The following ARHGAP26 variants were observed in gnomAD, a reference collection of about 807,000 sequenced individuals.
ARHGAP26 encodes the protein Rho GTPase activating protein 26.
A neutral mutation model predicts 104.8 loss-of-function variants in ARHGAP26; 38 were observed. That is an observed-to-expected ratio of 0.36 (90% CI 0.28 to 0.48). The LOEUF (loss-of-function observed/expected upper bound fraction) is 0.48. Ranked by LOEUF, ARHGAP26 falls within the 20% of genes least tolerant of loss-of-function variation. The pLI is 0.99. For missense variants in ARHGAP26, 704 were observed against 947.9 expected (o/e 0.74, Z 3.38); for synonymous variants, 341 against 340.0 (o/e 1.00, Z -0.03).
intron 22 of ARHGAP26, 29 bp downstream of exon 22, chr5:143,214,117 T>C: frequency 6.4e-6 from 2 of 312,152 alleles, no homozygotes; most frequent in Non-Finnish European, 6.3e-6. Flanking sequence ...CACAAAGATA[T>C]GGGCGGGGGG....
chr5:143,211,859 A>AT (rs987377711), intron 21 of ARHGAP26, among the ~76,000 whole-genome samples: 6 of 152,036 alleles, frequency 3.9e-5, no homozygotes, highest in African/African-American at 1.4e-4. Flanking sequence ...CTAGTTTGTT[A>AT]TTTTTTAACG....
rs1019810944 is a variant in ARHGAP26, at chr5:143,225,050, A to G, written c.*2604A>G. ...TCGAGAAGAAAGGGAGTATACTAGTAGGTTAGATCTGTGAACCTGAGGACA... is the reference window on the plus strand; with the variant it reads ...TCGAGAAGAAAGGGAGTATACTAGTGGGTTAGATCTGTGAACCTGAGGACA... On this transcript the variant is annotated 3_prime_UTR_variant, in exon 23 of 23. Coordinates refer to ENST00000645722, the MANE Select transcript of ARHGAP26 (RefSeq NM_001135608.3). The G allele has an allele frequency of 4.4e-6, 1 of 225,016 alleles. No homozygotes were observed. The highest frequency in any genetic ancestry group is 2.2e-5 in the African/African-American group (1 of 44,870). The allele number at this position is 225,016 out of a possible 1,614,324, so 13.9% of individuals were successfully genotyped here. A position where few individuals can be genotyped will look rare whatever the true frequency, so the allele number is the denominator to read the frequency against.
chr5:142,840,013 G>C (rs1008673863), intron 1 of ARHGAP26, among the ~76,000 whole-genome samples: 2 of 152,260 alleles, frequency 1.3e-5, no homozygotes, highest in Admixed American at 6.5e-5. Context: ...CTAGGTTCAA[G>C]GGAATATAGA....
At chr5:143,006,727 G>A (rs1380158924) in intron 11 of ARHGAP26, among the ~76,000 whole-genome samples, 4 of 152,120 alleles carry the variant, frequency 2.6e-5, no homozygotes, top group East Asian at 1.9e-4. Context: ...TGGCTCCCTG[G>A]CTCTGACCCC....
intron 1 of ARHGAP26, among the ~76,000 whole-genome samples, chr5:142,844,417 T>TA (rs963762791): frequency 3.3e-5 from 5 of 152,096 alleles, no homozygotes; most frequent in African/African-American, 1.2e-4. Context: ...AAAGCTTTTT[T>TA]TTTTTTCTTT....
chr5:143,183,073 CAAAAAAAA>C (rs70991799), intron 20 of ARHGAP26, among the ~76,000 whole-genome samples: 2 of 89,962 alleles, frequency 2.2e-5, no homozygotes, highest in African/African-American at 3.8e-5. Context: ...TGAAAAGTGG[CAAAAAAAA>C]AAAAAAAAAA....
In ARHGAP26 at chr5:142,821,791, C is replaced by G. The variant is rs142330610; in HGVS notation, c.154+50876C>G. 4.7e-3 allele frequency among the ~76,000 whole-genome samples: 713 copies of G among 152,270 alleles called. 8 individuals are homozygous for G. Among genetic ancestry groups the G allele is most frequent in the African/African-American group, 0.016 (681 of 41,544 alleles). ...TTTTTATTAAGAAAAGCCATCTTTC[C>G]TTACAGCTTTGTTTAGAAAGTAGGG... On this transcript the variant is annotated intron_variant, in intron 1 of 22. Coordinates refer to ENST00000645722, the MANE Select transcript of ARHGAP26 (RefSeq NM_001135608.3).
At chr5:143,011,129 C>T (rs1361025049) in intron 11 of ARHGAP26, among the ~76,000 whole-genome samples, 2 of 152,120 alleles carry the variant, frequency 1.3e-5, no homozygotes, top group Non-Finnish European at 2.9e-5. Flanking sequence ...TTGCTAATCA[C>T]ACTGGCCTTC....
At chr5:143,182,336 G>T (rs1026191441) in intron 20 of ARHGAP26, among the ~76,000 whole-genome samples, 2 of 152,146 alleles carry the variant, frequency 1.3e-5, no homozygotes, top group African/African-American at 4.8e-5. Context: ...AGAGTGGCTT[G>T]CAGATGATGA....
intron 17 of ARHGAP26, among the ~76,000 whole-genome samples, chr5:143,063,193 C>T (rs796461343): frequency 1.3e-5 from 2 of 152,198 alleles, no homozygotes; most frequent in African/African-American, 4.8e-5. Context: ...TGACTCCCAC[C>T]GGGAACTCAG....
At chr5:143,114,689 A>G (rs1311342224) in intron 17 of ARHGAP26, among the ~76,000 whole-genome samples, 1 of 152,190 alleles carries the variant, frequency 6.6e-6, no homozygotes, top group African/African-American at 2.4e-5. Context: ...GGCCTACCCC[A>G]GCACCTGCCT....
intron 19 of ARHGAP26, among the ~76,000 whole-genome samples, chr5:143,140,579 T>C (rs2150942866): frequency 6.6e-6 from 1 of 152,302 alleles, no homozygotes; most frequent in Non-Finnish European, 1.5e-5. Flanking sequence ...TAGTTGTATC[T>C]TACAACTGAC....
At chr5:142,772,604 C>G in intron 1 of ARHGAP26, 1 of 408,868 alleles carries the variant, frequency 2.4e-6, no homozygotes, top group Non-Finnish European at 4.8e-6. Flanking sequence ...ATATAATTAT[C>G]TCATGTGCTT....
intron 11 of ARHGAP26, among the ~76,000 whole-genome samples, chr5:142,940,214 G>A (rs766541970): frequency 7.9e-5 from 12 of 152,234 alleles, no homozygotes; most frequent in Non-Finnish European, 1.6e-4. Flanking sequence ...GTTAAAATAA[G>A]TGATTGAAAG....
intron 11 of ARHGAP26, among the ~76,000 whole-genome samples, chr5:142,935,125 A>G (rs1765229918): frequency 6.6e-6 from 1 of 152,204 alleles, no homozygotes; most frequent in Admixed American, 6.5e-5. Flanking sequence ...TCAAACTTGA[A>G]GAAAAGCTGG....
At chr5:142,899,022 G>A (rs1345294635) in intron 6 of ARHGAP26, among the ~76,000 whole-genome samples, 1 of 152,156 alleles carries the variant, frequency 6.6e-6, no homozygotes. Context: ...CTAGCTTCCC[G>A]TGGCTTGTGA....
rs138014820 is a variant in ARHGAP26, at chr5:142,992,085, T to C, written c.1108-21995T>C. 2.5e-3 allele frequency among the ~76,000 whole-genome samples: 374 copies of C among 152,278 alleles called. 2 individuals are homozygous for C. Among genetic ancestry groups the C allele is most frequent in the African/African-American group, 8.5e-3 (354 of 41,560 alleles). On this transcript the variant is annotated intron_variant, in intron 11 of 22. Transcript: ENST00000645722. ...TTTTTTTGTTTTTGAATATTCCCTA[T>C]GGTTATTGAATTCTTTTTCTCCTTT...
At position 142,893,955 on chromosome 5, in the gene ARHGAP26, TGTTGA is replaced by T. The variant is rs546207164; in HGVS notation, c.487-274_487-270del. 2.0e-3 allele frequency among the ~76,000 whole-genome samples: 301 copies of T among 151,410 alleles called. 1 individual carries two copies. The highest frequency in any genetic ancestry group is 3.8e-3 in the Non-Finnish European group (257 of 67,804). On this transcript the variant is annotated intron_variant, in intron 5 of 22. Coordinates refer to ENST00000645722, the MANE Select transcript of ARHGAP26 (RefSeq NM_001135608.3). Reference sequence around the variant, plus strand: ...ATTATTTGTGGGTTTTTTTTTTTTCTGTTGAGTTGAGTTCCTTGTATACATTTACC... The same window carrying T: ...ATTATTTGTGGGTTTTTTTTTTTTCTGTTGAGTTCCTTGTATACATTTACC...
intron 6 of ARHGAP26, among the ~76,000 whole-genome samples, chr5:142,898,163 T>C (rs991667913): frequency 7.7e-5 from 10 of 129,546 alleles, no homozygotes; most frequent in South Asian, 2.9e-4. Context: ...TATATATATA[T>C]ACACACACAC....
Sources: gnomAD v4.1 joint callset for allele counts (sites outside exome capture counted in the v4.1 genomes callset) on GRCh38, gnomAD v4.1.1 for gene constraint, MANE v1.5 for transcripts, NCBI Gene and HGNC (gene_info 2026-07-23, HGNC 2026-07-21) for gene names.